Variants in BAZ2B observed in about 807,000 individuals in gnomAD.
BAZ2B encodes the protein bromodomain adjacent to zinc finger domain 2B.
In BAZ2B, 91 loss-of-function variants were observed where a neutral mutation model predicts 246.0. The observed-to-expected ratio is 0.37, with a 90% CI of 0.31 to 0.44. The LOEUF (loss-of-function observed/expected upper bound fraction) is 0.44. Among genes scored for constraint, BAZ2B ranks in the 20% least tolerant of loss-of-function variants. The pLI is 1.00. For missense variants in BAZ2B, 2,332 were observed against 2,533.7 expected (o/e 0.92, Z 1.71); for synonymous variants, 855 against 860.0 (o/e 0.99, Z 0.10).
intron 31 of BAZ2B, among the ~76,000 whole-genome samples, chr2:159,341,641 T>G (rs531063459): frequency 6.6e-6 from 1 of 152,274 alleles, no homozygotes; most frequent in African/African-American, 2.4e-5. Flanking sequence ...CTCAAAAAAT[T>G]TTAAAAATTT....
the BAZ2B span, among the ~76,000 whole-genome samples, chr2:159,650,808 G>A: frequency 6.6e-6 from 1 of 152,076 alleles, no homozygotes; most frequent in Non-Finnish European, 1.5e-5. Context: ...GACAGAGCCT[G>A]GAAAGTCTCT....
chr2:159,603,091 C>A (rs1162700731), intron 1 of BAZ2B, among the ~76,000 whole-genome samples: 2 of 152,140 alleles, frequency 1.3e-5, no homozygotes, highest in African/African-American at 4.8e-5. Flanking sequence ...GAGCCGAGAT[C>A]GCACCACTGC....
At chr2:159,705,659 A>T in the BAZ2B span, among the ~76,000 whole-genome samples, 1 of 152,184 alleles carries the variant, frequency 6.6e-6, no homozygotes, top group African/African-American at 2.4e-5. Flanking sequence ...CTTATTCCAT[A>T]TACAAAAATG....
At chr2:159,509,824 TA>T (rs2082727376) in intron 2 of BAZ2B, among the ~76,000 whole-genome samples, 1 of 152,152 alleles carries the variant, frequency 6.6e-6, no homozygotes, top group Non-Finnish European at 1.5e-5. Context: ...AATATATGGA[TA>T]TGTATACACA....
chr2:159,596,790 G>A (rs1014640038), intron 1 of BAZ2B, among the ~76,000 whole-genome samples: 3 of 152,176 alleles, frequency 2.0e-5, no homozygotes, highest in African/African-American at 7.2e-5. Flanking sequence ...ACGATGTTTG[G>A]TTTCCCATTC....
At chr2:159,674,396 A>G in the BAZ2B span, among the ~76,000 whole-genome samples, 5 of 100,574 alleles carry the variant, frequency 5.0e-5, no homozygotes, top group Non-Finnish European at 6.8e-5. Context: ...AAAGAAAAGA[A>G]AAGAGAAGAG....
At chr2:159,420,014 C>T (rs1296746070) in intron 13 of BAZ2B, 1 of 152,208 alleles carries the variant, frequency 6.6e-6, no homozygotes, top group Non-Finnish European at 1.5e-5. Flanking sequence ...TACTGTGAAG[C>T]CTCCTCTTAC....
intron 3 of BAZ2B, among the ~76,000 whole-genome samples, chr2:159,467,016 T>A (rs1431341967): frequency 1.3e-5 from 2 of 152,154 alleles, no homozygotes; most frequent in Non-Finnish European, 2.9e-5. Context: ...TCTCAGGATA[T>A]CTAACCTGAG....
At chr2:159,705,679 T>G in the BAZ2B span, among the ~76,000 whole-genome samples, 6 of 152,186 alleles carry the variant, frequency 3.9e-5, no homozygotes, top group Non-Finnish European at 8.8e-5. Context: ...GATAAATTTT[T>G]TAAGATGTAA....
At chr2:159,598,696 T>C (rs1691370391) in intron 1 of BAZ2B, among the ~76,000 whole-genome samples, 3 of 151,844 alleles carry the variant, frequency 2.0e-5, no homozygotes, top group Non-Finnish European at 2.9e-5. Context: ...TGAAGCCCTG[T>C]CTCTACTAAA....
Position 159,382,649 on chromosome 2 carries a change from A to ATCG in BAZ2B, c.3912_3914dup (p.Asp1306dup), listed in dbSNP as rs2062130573. ...CTTCATCCCCTTGGTCATCACTGTC[A>ATCG]TCGTCATCATCATCGTCATAATCAC... On this transcript the variant is annotated inframe_insertion, in exon 25 of 37. Coordinates refer to ENST00000392783, the MANE Select transcript of BAZ2B (RefSeq NM_013450.4). 4 of 1,591,750 alleles carry ATCG rather than the reference A, an allele frequency of 2.5e-6. No homozygotes were observed. The Admixed American group carries it at 7.1e-5, about 28-fold the overall frequency.
the BAZ2B span, among the ~76,000 whole-genome samples, chr2:159,654,827 A>C: frequency 2.0e-5 from 3 of 152,116 alleles, no homozygotes; most frequent in Non-Finnish European, 2.9e-5. Flanking sequence ...TTAGCTGGGC[A>C]TGGTGATGCA....
intron 1 of BAZ2B, among the ~76,000 whole-genome samples, chr2:159,564,883 T>G (rs1441824453): frequency 6.6e-6 from 1 of 152,194 alleles, no homozygotes; most frequent in Non-Finnish European, 1.5e-5. Context: ...AATTACTTTA[T>G]TTTTTGAGGC....
At chr2:159,411,188 A>T (rs2066783529) in intron 14 of BAZ2B, among the ~76,000 whole-genome samples, 1 of 152,146 alleles carries the variant, frequency 6.6e-6, no homozygotes, top group African/African-American at 2.4e-5. Context: ...CACCTGGCTA[A>T]TTTTAAAATT....
chr2:159,379,273 T>C (rs867863486), intron 25 of BAZ2B, among the ~76,000 whole-genome samples: 29 of 152,268 alleles, frequency 1.9e-4, no homozygotes, highest in Admixed American at 5.9e-4. Context: ...TTATATGAGG[T>C]ATCTAAAACA....
chr2:159,331,246 T>C (rs1344796424), intron 34 of BAZ2B, among the ~76,000 whole-genome samples: 2 of 152,180 alleles, frequency 1.3e-5, no homozygotes, highest in African/African-American at 4.8e-5. Flanking sequence ...TGGCAAGATG[T>C]GATATTTTCT....
At chr2:159,488,697 T>C (rs931761837) in intron 2 of BAZ2B, among the ~76,000 whole-genome samples, 1 of 152,236 alleles carries the variant, frequency 6.6e-6, no homozygotes, top group African/African-American at 2.4e-5. Flanking sequence ...ACACCCATTT[T>C]CTGTTTTTTT....
chr2:159,330,015 G>C (rs1034533372), intron 34 of BAZ2B, among the ~76,000 whole-genome samples: 1 of 152,120 alleles, frequency 6.6e-6, no homozygotes, highest in African/African-American at 2.4e-5. Context: ...ATGTACATCA[G>C]TGAAGACTGC....
chr2:159,668,474 T>G, the BAZ2B span, among the ~76,000 whole-genome samples: 2 of 152,224 alleles, frequency 1.3e-5, no homozygotes, highest in Non-Finnish European at 2.9e-5. Context: ...CCTTTTCAGG[T>G]TAAGAAGTTC....
Sources: allele counts gnomAD v4.1 joint callset (sites outside exome capture counted in the v4.1 genomes callset), GRCh38; gene constraint gnomAD v4.1.1; transcripts MANE v1.5; gene names NCBI Gene and HGNC (gene_info 2026-07-23, HGNC 2026-07-21).